M1AP: variants seen among roughly 807,000 people sequenced by gnomAD.
M1AP encodes meiosis 1 arrest protein.
A neutral mutation model predicts 51.2 loss-of-function variants in M1AP; 39 were observed. That is an observed-to-expected ratio of 0.76 (90% CI 0.59 to 1.00). The LOEUF (loss-of-function observed/expected upper bound fraction) is 1.00, where lower values mean the gene tolerates loss of function less well. Ranked by LOEUF, M1AP falls within the 50% of genes least tolerant of loss-of-function variation. The probability of loss-of-function intolerance (pLI) is 0.00; values close to 1 mark genes in which losing one functional copy is unlikely to be tolerated. For missense variants in M1AP, 545 were observed against 641.2 expected (o/e 0.85, Z 1.62); for synonymous variants, 251 against 249.2 (o/e 1.01, Z -0.07).
intron 4 of M1AP, among the ~76,000 whole-genome samples, chr2:74,589,117 ATTCT>A (rs1318239290): frequency 6.6e-6 from 1 of 152,240 alleles, no homozygotes; most frequent in Non-Finnish European, 1.5e-5. Context: ...CCAGGGAAGT[ATTCT>A]TTAAGAAGCT....
intron 3 of M1AP, among the ~76,000 whole-genome samples, chr2:74,611,630 C>G (rs935000847): frequency 2.0e-4 from 31 of 151,594 alleles, no homozygotes; most frequent in African/African-American, 6.8e-4. Context: ...CTTTTTAGTT[C>G]AAGACCAGCC....
Position 74,640,224 on chromosome 2 carries a change from C to T in M1AP, c.52G>A (p.Asp18Asn), listed in dbSNP as rs1040667125. The T allele has an allele frequency of 5.0e-6, 8 of 1,614,038 alleles. No homozygotes were observed. Among genetic ancestry groups the T allele is most frequent in the Non-Finnish European group, 6.8e-6 (8 of 1,180,002 alleles). Residue 18 changes from aspartate (D) to asparagine (N), a missense_variant, in exon 2 of 11, where the codon GAC becomes AAC. Coordinates refer to ENST00000421985, the MANE Select transcript of M1AP (RefSeq NM_001321739.2). ...ATGAGAAGCCGTGGAGGTTGCTGGTCAATCTGAGTGTGAGTAGAGGGCCCT... is the reference window on the plus strand; with the variant it reads ...ATGAGAAGCCGTGGAGGTTGCTGGTTAATCTGAGTGTGAGTAGAGGGCCCT... ...GKGPSTHTQIDQQPPRLLIVH... is the reference protein window; with the variant it reads ...GKGPSTHTQINQQPPRLLIVH...
intron 7 of M1AP, among the ~76,000 whole-genome samples, chr2:74,570,333 CA>C (rs1224358930): frequency 2.0e-5 from 3 of 151,994 alleles, no homozygotes; most frequent in Non-Finnish European, 4.4e-5. Flanking sequence ...TTGACTCCTC[CA>C]AAAAGAGAAG....
chr2:74,567,971 A>G lies in M1AP; in HGVS notation c.1075-5548T>C, dbSNP rs1573067177. Among the ~76,000 whole-genome samples the G allele has an allele frequency of 3.3e-5, 5 of 152,392 alleles. No individual in the cohort carries two copies. The South Asian group carries it at 1.0e-3, about 32-fold the overall frequency. On this transcript the variant is annotated intron_variant, in intron 7 of 10. Coordinates refer to ENST00000421985, the MANE Select transcript of M1AP (RefSeq NM_001321739.2). ...CAAGTGAAAAATCAGGGAATGAAAT[A>G]ACAAGCCTGTGATTGACTAAGGCTT...
At chr2:74,567,004 T>A (rs1678435766) in intron 7 of M1AP, among the ~76,000 whole-genome samples, 1 of 152,130 alleles carries the variant, frequency 6.6e-6, no homozygotes, top group Admixed American at 6.5e-5. Flanking sequence ...ACTTTGTAAT[T>A]GAAATGAGGA....
chr2:74,596,351 G>A (rs543291589), intron 4 of M1AP, among the ~76,000 whole-genome samples: 2 of 152,340 alleles, frequency 1.3e-5, no homozygotes, highest in South Asian at 4.1e-4. Context: ...GGGAGGCTGA[G>A]GTGGGTGGAT....
intron 4 of M1AP, among the ~76,000 whole-genome samples, chr2:74,594,743 A>G (rs906629790): frequency 6.6e-6 from 1 of 152,048 alleles, no homozygotes; most frequent in Non-Finnish European, 1.5e-5. Context: ...TGGGTGTGGT[A>G]GCACGAGCCT....
chr2:74,585,374 T>C (rs1679649227), intron 4 of M1AP, among the ~76,000 whole-genome samples: 1 of 152,244 alleles, frequency 6.6e-6, no homozygotes, highest in South Asian at 2.1e-4. Context: ...CATTCTGGCT[T>C]ATCCTTTAGT....
At chr2:74,571,434 G>A (rs1678732597) in intron 7 of M1AP, among the ~76,000 whole-genome samples, 1 of 152,088 alleles carries the variant, frequency 6.6e-6, no homozygotes, top group African/African-American at 2.4e-5. Flanking sequence ...ATATGGAGCT[G>A]ACTTGAAATC....
intron 2 of M1AP, among the ~76,000 whole-genome samples, chr2:74,624,587 A>G (rs992839338): frequency 2.6e-5 from 4 of 152,204 alleles, no homozygotes; most frequent in African/African-American, 9.6e-5. Flanking sequence ...ATCAAATCTT[A>G]CAAAGACTCC....
At chr2:74,568,883 C>T (rs1294000477) in intron 7 of M1AP, among the ~76,000 whole-genome samples, 2 of 152,164 alleles carry the variant, frequency 1.3e-5, no homozygotes, top group Non-Finnish European at 2.9e-5. Context: ...TCTAGTGAAA[C>T]AGGATGCTCA....
intron 3 of M1AP, among the ~76,000 whole-genome samples, chr2:74,611,884 T>G (rs1411113036): frequency 1.6e-5 from 1 of 61,666 alleles, no homozygotes; most frequent in Non-Finnish European, 3.3e-5. Context: ...AAAAAAGTGT[T>G]TTTTTTTTTT....
rs1479078670 is a variant in M1AP, at chr2:74,611,895, T to TTG, written c.426+3068_426+3069insCA. On this transcript the variant is annotated intron_variant, in intron 3 of 10. Transcript: ENST00000421985. ...CAACAAAAAAGTGTTTTTTTTTTTTTTTTTTTTTTTTTTTTTGAGACAGTG... is the reference window on the plus strand; with the variant it reads ...CAACAAAAAAGTGTTTTTTTTTTTTTTGTTTTTTTTTTTTTTTTGAGACAGTG... Among the ~76,000 whole-genome samples the TTG allele has an allele frequency of 3.0e-4, 24 of 81,194 alleles. 1 individual carries two copies. Among genetic ancestry groups the TTG allele is most frequent in the African/African-American group, 1.1e-3 (23 of 21,870 alleles). 53.3% of individuals were successfully genotyped at this position (81,194 alleles called of 152,430 possible).
intron 4 of M1AP, among the ~76,000 whole-genome samples, chr2:74,605,227 T>C (rs1463431723): frequency 6.6e-6 from 1 of 152,194 alleles, no homozygotes; most frequent in Non-Finnish European, 1.5e-5. Context: ...TAACTTTATT[T>C]CTAGGAATTT....
rs138122338 is a variant in M1AP at position 74,560,157 on chromosome 2, C to T, written c.1416G>A (p.Pro472=). 1.1e-5 allele frequency: 17 copies of T among 1,613,532 alleles called. No individual in the cohort carries two copies. The highest frequency in any genetic ancestry group is 5.3e-5 in the African/African-American group (4 of 74,838). ...RLHPHWESRA[P]RKHPCKTGQL... is the part of the protein sequence containing the mutation. ...GGAAGGAGGGGAGCGGTACCTTTCT[C>T]GGAGCTCGGCTCTCCCAGTGTGGGT... is the stretch of plus-strand genomic sequence containing the variant. Residue 472 remains proline (P), a synonymous_variant, in exon 9 of 11, where the codon CCG becomes CCA. Coordinates refer to ENST00000421985, the MANE Select transcript of M1AP (RefSeq NM_001321739.2).
chr2:74,590,277 C>T lies in M1AP; in HGVS notation c.596-8430G>A, dbSNP rs78258817. On this transcript the variant is annotated intron_variant, in intron 4 of 10. Coordinates refer to ENST00000421985, the MANE Select transcript of M1AP (RefSeq NM_001321739.2). ...AAATGGCCCCTTCTCACTGTATCCTCATATGGTGGAGGGGGCAGACAAGCT... is the reference window on the plus strand; with the variant it reads ...AAATGGCCCCTTCTCACTGTATCCTTATATGGTGGAGGGGGCAGACAAGCT... Among the ~76,000 whole-genome samples, 1,001 of 152,254 alleles carry T rather than the reference C, an allele frequency of 6.6e-3. 62 individuals are homozygous for T. The East Asian group carries it at 0.15, about 23-fold the overall frequency.
Position 74,648,070 on chromosome 2 carries a change from T to C in M1AP, c.-53+195A>G. 4 of 985,372 alleles carry C rather than the reference T, an allele frequency of 4.1e-6. No individual in the cohort carries two copies. In the South Asian group the frequency reaches 1.4e-4, roughly 35 times the overall value. The allele number at this position is 985,372 out of a possible 1,614,324, so 61.0% of individuals were successfully genotyped here. A position where few individuals can be genotyped will look rare whatever the true frequency, so the allele number is the denominator to read the frequency against. ...GCGCAGGCCTGGCCGCCCAGAACAG[T>C]ATGCGGAGGGATGACTCCGACAGCG... On this transcript the variant is annotated intron_variant, in intron 1 of 10. Coordinates refer to ENST00000421985, the MANE Select transcript of M1AP (RefSeq NM_001321739.2).
At chr2:74,621,675 C>T (rs975846638) in intron 2 of M1AP, among the ~76,000 whole-genome samples, 1 of 151,854 alleles carries the variant, frequency 6.6e-6, no homozygotes, top group Non-Finnish European at 1.5e-5. Flanking sequence ...TGCCTGTAGT[C>T]CCAGCTACTC....
At chr2:74,596,104 C>T (rs184339424) in intron 4 of M1AP, among the ~76,000 whole-genome samples, 3 of 152,110 alleles carry the variant, frequency 2.0e-5, no homozygotes, top group Non-Finnish European at 4.4e-5. Flanking sequence ...AAATGGTAGA[C>T]CTGAGTCCAA....
Sources: gnomAD v4.1 joint callset for allele counts (sites outside exome capture counted in the v4.1 genomes callset) on GRCh38, gnomAD v4.1.1 for gene constraint, MANE v1.5 for transcripts, NCBI Gene and HGNC (gene_info 2026-07-23, HGNC 2026-07-21) for gene names.